GNPDA2: variants seen among roughly 807,000 people sequenced by gnomAD.
The protein encoded by GNPDA2 is glucosamine-6-phosphate deaminase 2, also known as glcN6P deaminase 2.
In GNPDA2, 24 loss-of-function variants were observed where a neutral mutation model predicts 27.0. The observed-to-expected ratio is 0.89, with a 90% CI of 0.64 to 1.25. The LOEUF (loss-of-function observed/expected upper bound fraction) is 1.25, where lower values mean the gene tolerates loss of function less well. Among genes scored for constraint, GNPDA2 ranks in the 50% most tolerant of loss-of-function variants. The pLI is 0.00. For missense variants in GNPDA2, 286 were observed against 335.1 expected (o/e 0.85, Z 1.14); for synonymous variants, 94 against 108.4 (o/e 0.87, Z 0.83).
intron 1 of GNPDA2, among the ~76,000 whole-genome samples, chr4:44,724,075 A>G (rs935693013): frequency 6.6e-5 from 10 of 152,148 alleles, no homozygotes; most frequent in African/African-American, 2.4e-4. Context: ...GTCCTTTGCT[A>G]CTTGGGCATG....
rs1716360819 is a variant in GNPDA2, at chr4:44,702,900, C to T, written c.*181G>A. 2 of 1,420,594 alleles carry T rather than the reference C, an allele frequency of 1.4e-6. No individual in the cohort carries two copies. Among genetic ancestry groups the T allele is most frequent in the African/African-American group, 1.5e-5 (1 of 67,870 alleles). The allele number at this position is 1,420,594 out of a possible 1,614,324, so 88.0% of individuals were successfully genotyped here. On this transcript the variant is annotated 3_prime_UTR_variant, in exon 7 of 7. Transcript: ENST00000295448. ...TCAATCTTGAGAGCCAGCTACTTCT[C>T]TTAAACCCAAGTACAAGATATAAAT...
At position 44,705,209 on chromosome 4, in the gene GNPDA2, A is replaced by G. The variant is rs1027356471; in HGVS notation, c.770-2067T>C. 3 of 981,028 alleles carry G rather than the reference A, an allele frequency of 3.1e-6. No individual in the cohort carries two copies. In the Admixed American group the frequency reaches 1.9e-4, roughly 61 times the overall value. The allele number at this position is 981,028 out of a possible 1,614,324, so 60.8% of individuals were successfully genotyped here. A position where few individuals can be genotyped will look rare whatever the true frequency, so the allele number is the denominator to read the frequency against. ...ATGGATGACAATTATAGGAATTTAC[A>G]TCCTCCAGTATTTTGATATACTAGT... is the stretch of plus-strand genomic sequence containing the variant. On this transcript the variant is annotated intron_variant, in intron 6 of 6. Transcript: ENST00000295448.
intron 4 of GNPDA2, chr4:44,714,218 G>T: frequency 2.7e-6 from 2 of 734,602 alleles, no homozygotes; most frequent in Non-Finnish European, 3.3e-6. Flanking sequence ...CAGGTGATCT[G>T]CGCACCTCAG....
At chr4:44,713,993 C>T (rs146250436) in intron 4 of GNPDA2, among the ~76,000 whole-genome samples, 2,161 of 152,108 alleles carry the variant, frequency 0.014, 45 homozygotes, top group African/African-American at 0.049. Flanking sequence ...CATTTTGAGA[C>T]GGAGTTTCAC....
chr4:44,718,446 T>A (rs1445919317), intron 2 of GNPDA2, 36 bp from the exon 3 acceptor site: 3 of 694,018 alleles, frequency 4.3e-6, no homozygotes, highest in African/African-American at 3.8e-5. Flanking sequence ...CTAAAATGAC[T>A]TAATAATCTA....
intron 4 of GNPDA2, chr4:44,714,181 G>A: frequency 6.4e-6 from 2 of 313,702 alleles, no homozygotes; most frequent in South Asian, 1.3e-4. Context: ...CTCCATGTTG[G>A]TCAGGCTGGT....
intron 2 of GNPDA2, among the ~76,000 whole-genome samples, chr4:44,721,881 TA>T (rs367991188): frequency 3.3e-5 from 5 of 152,196 alleles, no homozygotes; most frequent in African/African-American, 7.2e-5. Context: ...CAGGTGAGAC[TA>T]AATTTTGGCA....
At chr4:44,726,142 C>T (rs1718004489) in intron 1 of GNPDA2, among the ~76,000 whole-genome samples, 2 of 152,108 alleles carry the variant, frequency 1.3e-5, no homozygotes, top group African/African-American at 2.4e-5. Flanking sequence ...GTTTGCCTGG[C>T]CCTCACTTGG....
In GNPDA2 at chr4:44,720,607, C is replaced by T. The variant is rs535676605; in HGVS notation, c.124+1477G>A. Among the ~76,000 whole-genome samples the T allele has an allele frequency of 9.9e-5, 15 of 152,126 alleles. No individual in the cohort carries two copies. In the South Asian group the frequency reaches 2.3e-3, roughly 23 times the overall value. On this transcript the variant is annotated intron_variant, in intron 2 of 6. Coordinates refer to ENST00000295448, the MANE Select transcript of GNPDA2 (RefSeq NM_138335.3). ...TTGAACAGATATTGCCCAGAAATTG[C>T]GCTTGATAGGGAGATAATTACAATG...
intron 6 of GNPDA2, chr4:44,703,379 T>C (rs920164407): frequency 8.0e-7 from 1 of 1,252,808 alleles, no homozygotes; most frequent in Non-Finnish European, 1.0e-6. Flanking sequence ...TGTGTACAGG[T>C]ACTTTGGGAG....
intron 4 of GNPDA2, among the ~76,000 whole-genome samples, chr4:44,715,739 C>T (rs1435479879): frequency 1.3e-5 from 2 of 151,950 alleles, no homozygotes; most frequent in African/African-American, 4.8e-5. Flanking sequence ...AAACAGATAA[C>T]CTTCTAATTT....
intron 2 of GNPDA2, among the ~76,000 whole-genome samples, chr4:44,721,250 A>G (rs1377394065): frequency 6.6e-6 from 1 of 152,212 alleles, no homozygotes; most frequent in Admixed American, 6.5e-5. Flanking sequence ...CTGTTTAAAT[A>G]AAACACACGG....
At chr4:44,705,565 C>T (rs754569644) in intron 6 of GNPDA2, 8 of 611,078 alleles carry the variant, frequency 1.3e-5, no homozygotes, top group Non-Finnish European at 1.6e-5. Context: ...ACATCTACCA[C>T]CCTTCTATTT....
intron 4 of GNPDA2, chr4:44,714,740 A>C: frequency 1.2e-6 from 1 of 825,112 alleles, no homozygotes; most frequent in Non-Finnish European, 1.5e-6. Flanking sequence ...CTAGATCAAC[A>C]AATGAGATTC....
At chr4:44,725,889 A>G (rs1041976663) in intron 1 of GNPDA2, among the ~76,000 whole-genome samples, 1 of 152,180 alleles carries the variant, frequency 6.6e-6, no homozygotes, top group Non-Finnish European at 1.5e-5. Flanking sequence ...CAAAACTTCA[A>G]TGGTGGATGA....
intron 6 of GNPDA2, chr4:44,706,601 T>C (rs1328712090): frequency 6.6e-6 from 1 of 151,954 alleles, no homozygotes; most frequent in African/African-American, 2.4e-5. Context: ...TTATATACTT[T>C]ATTTCTGAGT....
rs1994692 is a variant in GNPDA2, at chr4:44,726,497, T to C, written c.-59A>G. ...ACCGGCAGACCCAATGGTTCTTCGA[T>C]GCTGGAACAGCGGGAACAAGCAACA... On this transcript the variant is annotated 5_prime_UTR_variant, in exon 1 of 7. Transcript: ENST00000295448. 0.99 allele frequency: 150,919 copies of C among 152,472 alleles called. 74,711 individuals carry two copies. Among genetic ancestry groups the C allele is most frequent in the Middle Eastern group, 1 (294 of 294 alleles). The allele number at this position is 152,472 out of a possible 1,614,324, so 9.4% of individuals were successfully genotyped here.
intron 2 of GNPDA2, among the ~76,000 whole-genome samples, chr4:44,719,892 C>A (rs900963955): frequency 6.6e-6 from 1 of 151,898 alleles, no homozygotes; most frequent in Non-Finnish European, 1.5e-5. Context: ...TTATATAAAA[C>A]AAAGATTAAG....
At chr4:44,710,887 T>C in intron 5 of GNPDA2, 66 bp downstream of exon 5, 1 of 1,252,760 alleles carries the variant, frequency 8.0e-7, no homozygotes, top group Non-Finnish European at 1.1e-6. Flanking sequence ...TTCAGCATCA[T>C]AACTCCTCCA....
Sources: gnomAD v4.1 joint callset for allele counts (sites outside exome capture counted in the v4.1 genomes callset) on GRCh38, gnomAD v4.1.1 for gene constraint, MANE v1.5 for transcripts, NCBI Gene and HGNC (gene_info 2026-07-23, HGNC 2026-07-21) for gene names.